KXD1: variants seen among roughly 807,000 people sequenced by gnomAD.
KXD1 encodes KxDL motif containing 1, also known as kxDL motif-containing protein 1.
KXD1 carries 5 observed loss-of-function variants against 12.1 expected under a neutral mutation model. The observed-to-expected ratio is 0.41, with a 90% confidence interval of 0.22 to 0.87. KXD1 has a LOEUF of 0.87. Ranked by LOEUF, KXD1 falls within the 40% of genes least tolerant of loss-of-function variation. KXD1 has a pLI of 0.31. For missense variants in KXD1, 193 were observed against 244.9 expected (o/e 0.79, Z 1.41); for synonymous variants, 98 against 100.5 (o/e 0.98, Z 0.15).
intron 4 of KXD1, among the ~76,000 whole-genome samples, chr19:18,567,656 G>T (rs1174491826): frequency 6.6e-6 from 1 of 152,196 alleles, no homozygotes; most frequent in Non-Finnish European, 1.5e-5. Flanking sequence ...CATCTGTCTG[G>T]CTAGAGAGCT....
intron 2 of KXD1, among the ~76,000 whole-genome samples, chr19:18,562,941 G>A (rs1414733529): frequency 2.0e-5 from 3 of 152,220 alleles, no homozygotes; most frequent in African/African-American, 7.2e-5. Flanking sequence ...TGCCCTGTGG[G>A]GAAGAAAGGC....
At chr19:18,564,281 G>T (rs1381356033) in intron 2 of KXD1, among the ~76,000 whole-genome samples, 1 of 152,086 alleles carries the variant, frequency 6.6e-6, no homozygotes, top group Non-Finnish European at 1.5e-5. Context: ...TGGCCCTATG[G>T]TGTCAGGGCT....
At chr19:18,562,424 A>T (rs1974962794) in intron 2 of KXD1, among the ~76,000 whole-genome samples, 1 of 152,050 alleles carries the variant, frequency 6.6e-6, no homozygotes, top group Admixed American at 6.6e-5. Context: ...GGGAGAGTTG[A>T]AGGACCAGAG....
At chr19:18,567,383 T>C (rs1168646252) in intron 4 of KXD1, 2 of 650,722 alleles carry the variant, frequency 3.1e-6, no homozygotes, top group Non-Finnish European at 5.6e-6. Context: ...CGGGAGTCCG[T>C]GCCCCGTGGG....
At chr19:18,567,296 C>A in intron 4 of KXD1, 118 bp downstream of exon 4, 3 of 985,320 alleles carry the variant, frequency 3.0e-6, no homozygotes, top group Admixed American at 2.0e-5. Flanking sequence ...GGCAGTGGGT[C>A]TGGGGAAACC....
intron 1 of KXD1, chr19:18,558,846 GA>G: frequency 6.6e-6 from 1 of 152,272 alleles, no homozygotes; most frequent in Non-Finnish European, 1.5e-5. Flanking sequence ...GAGGTGCCAG[GA>G]ACCCCTCAGC....
chr19:18,564,806 G>A, intron 2 of KXD1, 63 bp from the exon 3 acceptor site: 1 of 1,587,188 alleles, frequency 6.3e-7, no homozygotes. Flanking sequence ...ACAGTCTTCT[G>A]GGCCAGGTTG....
chr19:18,565,528 G>A (rs144754320), intron 3 of KXD1, among the ~76,000 whole-genome samples: 11 of 151,018 alleles, frequency 7.3e-5, no homozygotes, highest in South Asian at 2.1e-4. Flanking sequence ...CACTGCGCCC[G>A]GCCGAGACAG....
chr19:18,568,165 G>T (rs1168898773), intron 4 of KXD1, among the ~76,000 whole-genome samples: 27 of 151,404 alleles, frequency 1.8e-4, no homozygotes, highest in Admixed American at 1.5e-3. Flanking sequence ...TACTCAGGAG[G>T]TTAAGGCAGA....
rs371136337 is a variant in KXD1 at position 18,568,577 on chromosome 19, C to T, written c.477C>T (p.Ser159=). ...FEDLSHVQPG[S]PAINGRSQTD... ...ACCTGTCCCATGTCCAGCCTGGCTCCCCAGCCATCAACGGCCGCAGCCAGA... is the reference window on the plus strand; with the variant it reads ...ACCTGTCCCATGTCCAGCCTGGCTCTCCAGCCATCAACGGCCGCAGCCAGA... The change falls in exon 5 of 5, where the codon TCC becomes TCT. Residue 159 remains serine (S), a synonymous_variant. Transcript: ENST00000222307. The T allele has an allele frequency of 1.2e-6, 2 of 1,613,386 alleles. No individual in the cohort carries two copies. Among genetic ancestry groups the T allele is most frequent in the Admixed American group, 1.7e-5 (1 of 60,010 alleles).
At chr19:18,559,745 G>A (rs1974847756) in intron 1 of KXD1, 1 of 152,170 alleles carries the variant, frequency 6.6e-6, no homozygotes. Flanking sequence ...CAGTGTCCCT[G>A]AGCCTCAGTT....
At chr19:18,568,296 AC>A (rs1393026335) in intron 4 of KXD1, 105 bp from the exon 5 acceptor site, 10 of 756,792 alleles carry the variant, frequency 1.3e-5, no homozygotes, top group Non-Finnish European at 2.0e-5. Flanking sequence ...GTCAAGTCAT[AC>A]CCCCATGGGG....
chr19:18,565,015 G>A lies in KXD1; in HGVS notation c.248G>A (p.Arg83His), dbSNP rs140581225. The A allele has an allele frequency of 2.9e-4, 458 of 1,596,590 alleles. No individual in the cohort carries two copies. Among genetic ancestry groups the A allele is most frequent in the Non-Finnish European group, 3.4e-4 (399 of 1,178,450 alleles). ...MKRDLDSIFR[R>H]IRTLKGKLAR... ...CGGGACCTGGACAGCATCTTCCGCC[G>A]TATCAGGTGGGTGCTCAGTGCCACC... is the stretch of plus-strand genomic sequence containing the variant. The change falls in exon 3 of 5, where the codon CGT becomes CAT. Residue 83 changes from arginine (R) to histidine (H), a missense_variant. Physicochemically the swap from Arg to His is conservative, Grantham distance 29 (BLOSUM62 0). Coordinates refer to ENST00000222307, the MANE Select transcript of KXD1 (RefSeq NM_024069.4).
At chr19:18,563,687 A>G (rs1324803467) in intron 2 of KXD1, among the ~76,000 whole-genome samples, 1 of 152,078 alleles carries the variant, frequency 6.6e-6, no homozygotes, top group East Asian at 1.9e-4. Flanking sequence ...TATTTTTAGT[A>G]GAGACGGGGT....
Position 18,568,771 on chromosome 19 carries a change from CT to C in KXD1, c.*141del. The C allele has an allele frequency of 1.6e-6, 1 of 643,952 alleles. No homozygotes were observed. The highest frequency in any genetic ancestry group is 2.7e-6 in the Non-Finnish European group (1 of 374,172). 39.9% of individuals were successfully genotyped at this position (643,952 alleles called of 1,614,324 possible). On this transcript the variant is annotated 3_prime_UTR_variant, in exon 5 of 5. Transcript: ENST00000222307. ...AGGGCTCCTAGGGGGACAAGGCTCT[CT>C]CCCGAGGGGTGTGGAATTCCTGGGG... is the stretch of plus-strand genomic sequence containing the variant.
intron 3 of KXD1, 78 bp downstream of exon 3, chr19:18,565,099 C>T: frequency 6.4e-7 from 1 of 1,571,694 alleles, no homozygotes; most frequent in Admixed American, 1.7e-5. Flanking sequence ...CCTTCACATA[C>T]CAGGGTAAAG....
In KXD1 at chr19:18,557,914, G is replaced by A. The variant is rs1976985528; in HGVS notation, c.-22G>A. The stretch of plus-strand genomic sequence containing the variant: ...CGCGAGCAAGGCCGCCAGATGTGCA[G>A]GTGCCGCCGCTACCGACGCCGGGGC... On this transcript the variant is annotated splice_region_variant and 5_prime_UTR_variant, in exon 1 of 5. Transcript: ENST00000222307. 1 of 152,286 alleles carries A rather than the reference G, an allele frequency of 6.6e-6. No individual in the cohort carries two copies. The highest frequency in any genetic ancestry group is 2.4e-5 in the African/African-American group (1 of 41,462). The allele number at this position is 152,286 out of a possible 1,614,324, so 9.4% of individuals were successfully genotyped here.
rs28681686 is a variant in KXD1, at chr19:18,568,590, G to A, written c.490G>A (p.Gly164Ser). ...HVQPGSPAIN[G>S]RSQTDDEEMT... The stretch of plus-strand genomic sequence containing the variant: ...CCAGCCTGGCTCCCCAGCCATCAAC[G>A]GCCGCAGCCAGACAGATGACGAGGA... The change falls in exon 5 of 5, where the codon GGC becomes AGC. Residue 164 changes from glycine to serine, a missense_variant. Physicochemically the swap from Gly to Ser is moderately conservative, Grantham distance 56 (BLOSUM62 0). Transcript: ENST00000222307. 4,321 of 1,612,978 alleles carry A rather than the reference G, an allele frequency of 2.7e-3. 120 individuals are homozygous for A. The African/African-American group carries it at 0.051, about 19-fold the overall frequency.
chr19:18,568,889 T>A lies in KXD1; in HGVS notation c.*258T>A, dbSNP rs1316551034. The A allele has an allele frequency of 2.2e-5, 11 of 511,274 alleles. No homozygotes were observed. Among genetic ancestry groups the A allele is most frequent in the Admixed American group, 3.6e-5 (1 of 28,038 alleles). 31.7% of individuals were successfully genotyped at this position (511,274 alleles called of 1,614,324 possible). A position where few individuals can be genotyped will look rare whatever the true frequency, so the allele number is the denominator to read the frequency against. ...CAGGGCACGCCCATTCCAGCTGGAG[T>A]CGTGGGGCTGGGCACAGGGGAATTT... On this transcript the variant is annotated 3_prime_UTR_variant, in exon 5 of 5. Transcript: ENST00000222307.
Sources: allele counts gnomAD v4.1 joint callset (sites outside exome capture counted in the v4.1 genomes callset), GRCh38; gene constraint gnomAD v4.1.1; transcripts MANE v1.5; gene names NCBI Gene and HGNC (gene_info 2026-07-23, HGNC 2026-07-21).